Variants in KALRN observed in about 807,000 individuals in gnomAD.
KALRN encodes the protein kalirin.
KALRN carries 70 observed loss-of-function variants against 353.7 expected under a neutral mutation model. The ratio of observed to expected loss-of-function variants is 0.20; its 90% confidence interval spans 0.16 to 0.24. The LOEUF is 0.24. KALRN is among the 10% of genes least tolerant of loss of function. The pLI is 1.00. For missense variants in KALRN, 2,791 were observed against 3,756.7 expected (o/e 0.74, Z 6.72); for synonymous variants, 1,391 against 1,434.8 (o/e 0.97, Z 0.69).
intron 33 of KALRN, among the ~76,000 whole-genome samples, chr3:124,535,559 C>T (rs1280406292): frequency 6.6e-6 from 1 of 152,198 alleles, no homozygotes; most frequent in African/African-American, 2.4e-5. Context: ...GTATTCCCCT[C>T]ACTCTCTGTC....
chr3:124,565,447 A>G (rs2072687576), intron 34 of KALRN, among the ~76,000 whole-genome samples: 1 of 152,246 alleles, frequency 6.6e-6, no homozygotes, highest in Non-Finnish European at 1.5e-5. Context: ...TAATGGAGAC[A>G]AAACACAGCA....
intron 1 of KALRN, among the ~76,000 whole-genome samples, chr3:124,214,557 A>T (rs1456201354): frequency 6.6e-6 from 1 of 152,192 alleles, no homozygotes; most frequent in Non-Finnish European, 1.5e-5. Context: ...AGGGGACCAG[A>T]TATCCCAGCC....
intron 15 of KALRN, among the ~76,000 whole-genome samples, chr3:124,424,097 G>C (rs1308499009): frequency 1.3e-5 from 2 of 152,072 alleles, no homozygotes; most frequent in African/African-American, 4.8e-5. Flanking sequence ...AAGCTTAAGA[G>C]GTCAGCAGAC....
At chr3:124,271,716 GC>G (rs2074185658) in intron 5 of KALRN, among the ~76,000 whole-genome samples, 1 of 152,176 alleles carries the variant, frequency 6.6e-6, no homozygotes, top group Non-Finnish European at 1.5e-5. Context: ...CCACCTGTTA[GC>G]CCCTAGGTCT....
At chr3:124,444,848 A>C (rs1052370057) in intron 19 of KALRN, among the ~76,000 whole-genome samples, 5 of 151,826 alleles carry the variant, frequency 3.3e-5, no homozygotes, top group Admixed American at 1.3e-4. Context: ...AGAGAGAAAG[A>C]AAAAAAAGCA....
chr3:124,056,327 C>T (rs767330251), intron 1 of KALRN, among the ~76,000 whole-genome samples: 4 of 152,052 alleles, frequency 2.6e-5, no homozygotes, highest in African/African-American at 9.7e-5. Flanking sequence ...GTGGAGACCT[C>T]GAGTCGTCTG....
chr3:124,641,752 C>T (rs1318965675), intron 37 of KALRN, among the ~76,000 whole-genome samples: 1 of 152,214 alleles, frequency 6.6e-6, no homozygotes, highest in Non-Finnish European at 1.5e-5. Flanking sequence ...TCATCCTTAT[C>T]TCCTGTAGCT....
intron 16 of KALRN, among the ~76,000 whole-genome samples, chr3:124,431,996 T>C: frequency 6.6e-6 from 1 of 152,216 alleles, no homozygotes; most frequent in Admixed American, 6.5e-5. Flanking sequence ...AAGGCGGAAT[T>C]AACCAAAGGA....
chr3:124,571,423 C>A (rs746118020), intron 34 of KALRN, among the ~76,000 whole-genome samples: 1 of 152,208 alleles, frequency 6.6e-6, no homozygotes, highest in Non-Finnish European at 1.5e-5. Context: ...GATCTGTTGT[C>A]CTCTCTGGGC....
At chr3:124,242,584 G>A (rs184682643) in intron 3 of KALRN, among the ~76,000 whole-genome samples, 53 of 152,266 alleles carry the variant, frequency 3.5e-4, no homozygotes, top group African/African-American at 1.2e-3. Flanking sequence ...GGAAGAGGGC[G>A]GTAGGGAAGG....
intron 6 of KALRN, among the ~76,000 whole-genome samples, chr3:124,315,426 T>C (rs1286810231): frequency 6.6e-6 from 1 of 152,048 alleles, no homozygotes. Flanking sequence ...ATGACTCAGG[T>C]TTCTGACTCA....
At chr3:124,228,539 T>C (rs1459704715) in intron 2 of KALRN, among the ~76,000 whole-genome samples, 1 of 152,254 alleles carries the variant, frequency 6.6e-6, no homozygotes, top group Non-Finnish European at 1.5e-5. Flanking sequence ...CAAATATTTA[T>C]ATCTGACTTC....
At position 124,347,274 on chromosome 3, in the gene KALRN, CTG is replaced by C. The variant is rs61359186; in HGVS notation, c.1770+55_1770+56del. 5.3e-3 allele frequency: 6,114 copies of C among 1,151,872 alleles called. 69 individuals are homozygous for C. Among genetic ancestry groups the C allele is most frequent in the African/African-American group, 0.043 (1,514 of 35,542 alleles). 71.4% of individuals were successfully genotyped at this position (1,151,872 alleles called of 1,614,324 possible). On this transcript the variant is annotated intron_variant, in intron 10 of 59. Transcript: ENST00000682506. Reference sequence around the variant, plus strand: ...TTGAAGAGGTGGCTCAGGTGAGAAGCTGTGTGTGTGTGTGTGTGTGTGTGTGT... The same window carrying C: ...TTGAAGAGGTGGCTCAGGTGAGAAGCTGTGTGTGTGTGTGTGTGTGTGTGT...
intron 10 of KALRN, among the ~76,000 whole-genome samples, chr3:124,354,024 G>A (rs567232624): frequency 6.6e-6 from 1 of 152,312 alleles, no homozygotes; most frequent in African/African-American, 2.4e-5. Flanking sequence ...ATAACTTCCA[G>A]TCAGGGGTTT....
chr3:124,063,048 G>T (rs1459720657), intron 1 of KALRN, among the ~76,000 whole-genome samples: 3 of 152,202 alleles, frequency 2.0e-5, no homozygotes, highest in Admixed American at 2.0e-4. Flanking sequence ...CAGCTTCGAT[G>T]ACTGCTCAGA....
At chr3:124,355,658 A>T (rs2083303043) in intron 10 of KALRN, among the ~76,000 whole-genome samples, 1 of 149,114 alleles carries the variant, frequency 6.7e-6, no homozygotes, top group Admixed American at 6.6e-5. Flanking sequence ...AGGTTTTCCG[A>T]TACAGGCAAC....
chr3:124,412,732 C>T (rs986709882), intron 13 of KALRN, among the ~76,000 whole-genome samples: 2 of 152,198 alleles, frequency 1.3e-5, no homozygotes, highest in African/African-American at 2.4e-5. Flanking sequence ...ATCATTAATG[C>T]CTTTCAATTG....
chr3:124,136,496 C>T (rs73186237), intron 1 of KALRN, among the ~76,000 whole-genome samples: 6 of 152,208 alleles, frequency 3.9e-5, no homozygotes, highest in East Asian at 1.9e-4. Context: ...AGGTCCCCCC[C>T]CCATTGATTG....
intron 34 of KALRN, among the ~76,000 whole-genome samples, chr3:124,612,519 T>C (rs1332748479): frequency 4.6e-5 from 7 of 152,182 alleles, no homozygotes; most frequent in African/African-American, 1.7e-4. Flanking sequence ...GTATTTTTAA[T>C]AGAGATGGGG....
Sources: gnomAD v4.1 joint callset for allele counts (sites outside exome capture counted in the v4.1 genomes callset) on GRCh38, gnomAD v4.1.1 for gene constraint, MANE v1.5 for transcripts, NCBI Gene and HGNC (gene_info 2026-07-23, HGNC 2026-07-21) for gene names.